MTA1: variants seen among roughly 807,000 people sequenced by gnomAD.
The protein encoded by MTA1 is metastasis-associated protein MTA1.
In MTA1, 15 loss-of-function variants were observed where a neutral mutation model predicts 97.0. The ratio of observed to expected loss-of-function variants is 0.15; its 90% CI spans 0.10 to 0.24. The LOEUF is 0.24. MTA1 is among the 10% of genes least tolerant of loss of function. The pLI is 1.00. For missense variants in MTA1, 709 were observed against 1,015.1 expected, an observed-to-expected ratio of 0.70 and a Z score of 4.10; for synonymous variants, 435 against 417.5, an observed-to-expected ratio of 1.04 and a Z score of -0.51.
intron 1 of MTA1, among the ~76,000 whole-genome samples, chr14:105,425,078 G>C (rs1489002647): frequency 6.6e-6 from 1 of 152,196 alleles, no homozygotes; most frequent in African/African-American, 2.4e-5. Flanking sequence ...TGCCTGGCCA[G>C]GTACCCGGGA....
intron 1 of MTA1, among the ~76,000 whole-genome samples, chr14:105,435,378 T>C (rs1222368884): frequency 6.6e-6 from 1 of 152,198 alleles, no homozygotes; most frequent in African/African-American, 2.4e-5. Context: ...CCCAAACTCC[T>C]GGGCTTAAGC....
intron 1 of MTA1, among the ~76,000 whole-genome samples, chr14:105,426,827 C>T (rs781934626): frequency 3.3e-5 from 5 of 152,222 alleles, no homozygotes; most frequent in Non-Finnish European, 7.3e-5. Context: ...ACAGGACACC[C>T]CTGCAGCATT....
chr14:105,457,478 G>T (rs1555430149), intron 7 of MTA1, among the ~76,000 whole-genome samples: 1 of 152,254 alleles, frequency 6.6e-6, no homozygotes, highest in Admixed American at 6.5e-5. Flanking sequence ...CTCTGGCTGT[G>T]CCAGGCTTAG....
intron 6 of MTA1, among the ~76,000 whole-genome samples, chr14:105,453,949 C>T (rs1555429240): frequency 1.3e-5 from 2 of 152,222 alleles, no homozygotes; most frequent in Non-Finnish European, 2.9e-5. Flanking sequence ...CGGCATGTCT[C>T]CTCCGTGCAG....
intron 1 of MTA1, among the ~76,000 whole-genome samples, chr14:105,426,425 C>A (rs782655773): frequency 6.7e-6 from 1 of 149,774 alleles, no homozygotes; most frequent in East Asian, 2.0e-4. Context: ...AGTTGGTCAG[C>A]GGTGGAGTCA....
chr14:105,446,681 TAAC>T, intron 3 of MTA1, among the ~76,000 whole-genome samples: 1 of 152,300 alleles, frequency 6.6e-6, no homozygotes, highest in Admixed American at 6.5e-5. Context: ...AGGTGTCCCT[TAAC>T]CCCACTGCCT....
intron 2 of MTA1, among the ~76,000 whole-genome samples, chr14:105,444,128 CTT>C (rs2082634241): frequency 6.6e-6 from 1 of 151,448 alleles, no homozygotes; most frequent in Non-Finnish European, 1.5e-5. Context: ...AACCCCAGCA[CTT>C]TGAGAGACCA....
chr14:105,434,664 A>G (rs1461436459), intron 1 of MTA1, among the ~76,000 whole-genome samples: 4 of 151,338 alleles, frequency 2.6e-5, no homozygotes. Flanking sequence ...ACACCCAGCT[A>G]TTTTTTTTGT....
In MTA1 at chr14:105,464,966, AG is replaced by A. The variant is rs1222920733; in HGVS notation, c.1534+106del. 4.9e-6 allele frequency: 7 copies of A among 1,435,208 alleles called. No homozygotes were observed. The African/African-American group carries it at 1.0e-4, about 20-fold the overall frequency. The allele number at this position is 1,435,208 out of a possible 1,614,324, so 88.9% of individuals were successfully genotyped here. A position where few individuals can be genotyped will look rare whatever the true frequency, so the allele number is the denominator to read the frequency against. On this transcript the variant is annotated intron_variant, in intron 15 of 20. Transcript: ENST00000331320. ...TAGCCCCACTGGGAGTTCTGATCTCAGGGAGCCCCACGTCCTCCTCGGTGCT... is the reference window on the plus strand; with the variant it reads ...TAGCCCCACTGGGAGTTCTGATCTCAGGAGCCCCACGTCCTCCTCGGTGCT...
intron 2 of MTA1, among the ~76,000 whole-genome samples, chr14:105,444,787 T>C (rs1341737638): frequency 7.3e-6 from 1 of 137,904 alleles, no homozygotes; most frequent in Non-Finnish European, 1.5e-5. Context: ...TGAGACCCCA[T>C]CTTAAAAAAA....
intron 15 of MTA1, 54 bp from the exon 16 acceptor site, chr14:105,465,040 G>A: frequency 6.8e-7 from 1 of 1,460,448 alleles, no homozygotes; most frequent in Non-Finnish European, 9.1e-7. Context: ...CGCAGGCAGG[G>A]TCCCGTGCTC....
chr14:105,444,044 CACCACTGCCCT>C, intron 2 of MTA1, among the ~76,000 whole-genome samples: 1 of 149,918 alleles, frequency 6.7e-6, no homozygotes, highest in East Asian at 2.0e-4. Flanking sequence ...GCTGAGATCG[CACCACTGCCCT>C]CCAGCCTGGG....
At chr14:105,435,719 C>T (rs1050244608) in intron 1 of MTA1, among the ~76,000 whole-genome samples, 5 of 152,156 alleles carry the variant, frequency 3.3e-5, no homozygotes, top group Non-Finnish European at 7.3e-5. Flanking sequence ...GTTGTATTTC[C>T]GTAGTATGGA....
At chr14:105,462,921 C>T (rs751983132) in intron 10 of MTA1, among the ~76,000 whole-genome samples, 11 of 152,202 alleles carry the variant, frequency 7.2e-5, no homozygotes, top group Non-Finnish European at 1.2e-4. Context: ...AGTGCCACCT[C>T]GGCAAGATCT....
At position 105,463,593 on chromosome 14, in the gene MTA1, G is replaced by A. The variant is rs781839496; in HGVS notation, c.1076+42G>A. ...AGCCGTCGTCCTCGTGGCCCCGGGGGCCAGGGAGGGTGGGCACAGGGTGCT... is the reference window on the plus strand; with the variant it reads ...AGCCGTCGTCCTCGTGGCCCCGGGGACCAGGGAGGGTGGGCACAGGGTGCT... On this transcript the variant is annotated intron_variant, in intron 12 of 20. Transcript: ENST00000331320. This position sits in a 1 kb window ranked among gnomAD's most constrained non-coding sequence, Gnocchi z 5.9. The A allele has an allele frequency of 3.8e-6, 6 of 1,598,034 alleles. No homozygotes were observed. Among genetic ancestry groups the A allele is most frequent in the Non-Finnish European group, 5.1e-6 (6 of 1,166,772 alleles).
rs782798640 is a variant in MTA1, at chr14:105,470,151, C to T, written c.2084C>T (p.Ala695Val). The T allele has an allele frequency of 3.7e-6, 6 of 1,610,808 alleles. No homozygotes were observed. The African/African-American group carries it at 6.7e-5, about 18-fold the overall frequency. ...CCCATCGCCCTGCGCCAGAGCCAGG[C>T]CCTGCCGCCGCGGCCACCGCCACCT... ...YKPIALRQSQALPPRPPPPAP... is the reference protein window; with the variant it reads ...YKPIALRQSQVLPPRPPPPAP... Residue 695 changes from alanine to valine, a missense_variant, in exon 21 of 21, where the codon GCC becomes GTC. By Grantham distance (64) the Ala-to-Val change is moderately conservative. This residue lies in a region of MTA1 where 388 missense variants were observed against 421.6 expected (regional missense o/e 0.92). Coordinates refer to ENST00000331320, the MANE Select transcript of MTA1 (RefSeq NM_004689.4).
At position 105,420,940 on chromosome 14, in the gene MTA1, A is replaced by G. The variant is rs1165922560; in HGVS notation, c.28+877A>G. The stretch of plus-strand genomic sequence containing the variant: ...TGACCCTCTCGGGCAGGTGCTCATT[A>G]CCTTTCCCACCTGCAGCCTGCGCTG... On this transcript the variant is annotated intron_variant, in intron 1 of 20. Coordinates refer to ENST00000331320, the MANE Select transcript of MTA1 (RefSeq NM_004689.4). This position sits in a 1 kb window ranked among gnomAD's most constrained non-coding sequence, Gnocchi z 5.3. Among the ~76,000 whole-genome samples the G allele has an allele frequency of 3.3e-5, 5 of 151,774 alleles. No homozygotes were observed. Among genetic ancestry groups the G allele is most frequent in the African/African-American group, 1.2e-4 (5 of 41,300 alleles).
chr14:105,466,118 C>T (rs1451793151), intron 16 of MTA1: 4 of 431,552 alleles, frequency 9.3e-6, no homozygotes, highest in East Asian at 4.9e-5. Context: ...GCTGTGCTCA[C>T]GGGCCTGTGT....
chr14:105,445,648 CT>C, intron 3 of MTA1, 137 bp downstream of exon 3: 1 of 892,788 alleles, frequency 1.1e-6, no homozygotes, highest in Non-Finnish European at 1.8e-6. Context: ...TCTGGCGTCT[CT>C]TTTTCTCCCT....
Sources: gnomAD v4.1 joint callset for allele counts (sites outside exome capture counted in the v4.1 genomes callset) on GRCh38, gnomAD v4.1.1 for gene constraint, gnomAD v4.1.1 regional missense constraint, Gnocchi (gnomAD v3.1) non-coding constraint, MANE v1.5 for transcripts, NCBI Gene and HGNC (gene_info 2026-07-23, HGNC 2026-07-21) for gene names.